Variants in TEK observed in about 807,000 individuals in gnomAD.
The protein encoded by TEK is TEK receptor tyrosine kinase.
A neutral mutation model predicts 131.8 loss-of-function variants in TEK; 43 were observed. The observed-to-expected ratio is 0.33, with a 90% CI of 0.26 to 0.42. TEK has a LOEUF of 0.42. Among genes scored for constraint, TEK ranks in the 10% least tolerant of loss-of-function variants. TEK has a pLI of 1.00. For missense variants in TEK, 1,162 were observed against 1,384.4 expected (o/e 0.84, Z 2.55); for synonymous variants, 580 against 491.6 (o/e 1.18, Z -2.38).
chr9:27,129,937 T>G (rs1822147100), intron 1 of TEK, among the ~76,000 whole-genome samples: 1 of 152,216 alleles, frequency 6.6e-6, no homozygotes, highest in African/African-American at 2.4e-5. Flanking sequence ...GTTTAAGTAT[T>G]GTTTTCTTAT....
intron 18 of TEK, among the ~76,000 whole-genome samples, chr9:27,216,408 C>T (rs150602257): frequency 6.6e-6 from 1 of 151,926 alleles, no homozygotes; most frequent in Non-Finnish European, 1.5e-5. Context: ...GCACAAGGAA[C>T]TTAACAATTA....
At chr9:27,217,819 C>G (rs1338580827) in intron 19 of TEK, 61 bp downstream of exon 19, 56 of 1,451,896 alleles carry the variant, frequency 3.9e-5, no homozygotes, top group Non-Finnish European at 4.9e-5. Context: ...ATACATTTGA[C>G]AGAGGTTTTA....
At chr9:27,161,503 T>G (rs1587535903) in intron 2 of TEK, among the ~76,000 whole-genome samples, 1 of 152,206 alleles carries the variant, frequency 6.6e-6, no homozygotes, top group East Asian at 1.9e-4. Flanking sequence ...ATAAGAATAA[T>G]AGCAGCTTGT....
intron 1 of TEK, among the ~76,000 whole-genome samples, chr9:27,125,272 G>T (rs896512230): frequency 6.6e-6 from 1 of 152,218 alleles, no homozygotes; most frequent in African/African-American, 2.4e-5. Context: ...AGTAACTCTA[G>T]AGTATGGAAG....
Position 27,218,828 on chromosome 9 carries a change from A to ATGTT in TEK, c.3103+13_3103+16dup, listed in dbSNP as rs765274964. On this transcript the variant is annotated intron_variant, in intron 20 of 22. Transcript: ENST00000380036. ...AGATTGTTAGCTTAGGTGAGTATCT[A>ATGTT]TGTTTATCTACCAGGTGAGACTCTA... The ATGTT allele has an allele frequency of 5.6e-6, 9 of 1,613,546 alleles. No individual in the cohort carries two copies. In the African/African-American group the frequency reaches 1.2e-4, roughly 22 times the overall value.
At chr9:27,186,875 T>C (rs571867673) in intron 9 of TEK, among the ~76,000 whole-genome samples, 9 of 152,320 alleles carry the variant, frequency 5.9e-5, no homozygotes, top group African/African-American at 2.2e-4. Context: ...TGCAACCCCA[T>C]AGATTTGGAT....
rs544417177 is a variant in TEK, at chr9:27,206,500, G to A, written c.2365-82G>A. 97 of 1,399,282 alleles carry A rather than the reference G, an allele frequency of 6.9e-5. No individual in the cohort carries two copies. The Middle Eastern group carries it at 1.2e-3, about 18-fold the overall frequency. 86.7% of individuals were successfully genotyped at this position (1,399,282 alleles called of 1,614,324 possible). A position where few individuals can be genotyped will look rare whatever the true frequency, so the allele number is the denominator to read the frequency against. On this transcript the variant is annotated intron_variant, in intron 14 of 22. Transcript: ENST00000380036. ...TACAGTATTTCTTTTTTCATCTGGT[G>A]TGGATGCCAACCAGAAGACATTATG...
At chr9:27,141,935 CAG>C (rs1822740141) in intron 1 of TEK, among the ~76,000 whole-genome samples, 1 of 152,132 alleles carries the variant, frequency 6.6e-6, no homozygotes, top group African/African-American at 2.4e-5. Context: ...TGCAAAGTAA[CAG>C]AACATAAATC....
intron 16 of TEK, among the ~76,000 whole-genome samples, chr9:27,209,959 C>T (rs545627924): frequency 1.2e-3 from 188 of 152,266 alleles, no homozygotes; most frequent in Middle Eastern, 3.4e-3. Context: ...CTTCACTTCT[C>T]GTGGAAAAGT....
chr9:27,190,444 TA>T, intron 9 of TEK, 84 bp from the exon 10 acceptor site: 1 of 1,547,650 alleles, frequency 6.5e-7, no homozygotes, highest in Non-Finnish European at 8.9e-7. Flanking sequence ...GTTGGACATG[TA>T]AAACATATCT....
chr9:27,186,944 TG>T (rs1824621744), intron 9 of TEK, among the ~76,000 whole-genome samples: 1 of 152,184 alleles, frequency 6.6e-6, no homozygotes, highest in Non-Finnish European at 1.5e-5. Flanking sequence ...TTATTACTTT[TG>T]GTTATAGGAA....
chr9:27,164,407 C>T (rs1331865655), intron 2 of TEK, among the ~76,000 whole-genome samples: 1 of 151,566 alleles, frequency 6.6e-6, no homozygotes, highest in Non-Finnish European at 1.5e-5. Context: ...GCAAGCTCCG[C>T]CTCCTGGGTT....
Position 27,109,292 on chromosome 9 carries a change from T to C in TEK, c.-299T>C, listed in dbSNP as rs902814622. 63 of 542,072 alleles carry C rather than the reference T, an allele frequency of 1.2e-4. No individual in the cohort carries two copies. The highest frequency in any genetic ancestry group is 9.4e-4 in the African/African-American group (49 of 52,090). 33.6% of individuals were successfully genotyped at this position (542,072 alleles called of 1,614,324 possible). On this transcript the variant is annotated 5_prime_UTR_variant, in exon 1 of 23. Coordinates refer to ENST00000380036, the MANE Select transcript of TEK (RefSeq NM_000459.5). ...AGCAACAGATAAGTGTTTTGATGAA[T>C]TGCGAGATGGATAGGGCTTGAGTGC...
chr9:27,123,384 G>T (rs1208063854), intron 1 of TEK, among the ~76,000 whole-genome samples: 1 of 152,174 alleles, frequency 6.6e-6, no homozygotes, highest in South Asian at 2.1e-4. Flanking sequence ...TAAGGAAAGA[G>T]CTCTGCCATC....
chr9:27,223,948 A>C (rs1826194346), intron 21 of TEK, among the ~76,000 whole-genome samples: 1 of 152,236 alleles, frequency 6.6e-6, no homozygotes, highest in Admixed American at 6.5e-5. Flanking sequence ...GATCCCACAG[A>C]AATACAAACT....
At chr9:27,194,193 G>T (rs1280100274) in intron 11 of TEK, among the ~76,000 whole-genome samples, 1 of 152,108 alleles carries the variant, frequency 6.6e-6, no homozygotes, top group Non-Finnish European at 1.5e-5. Context: ...TCACATATTT[G>T]CCTGTGTTTT....
chr9:27,218,635 T>C lies in TEK; in HGVS notation c.3063-142T>C, dbSNP rs1042925761. ...GAGCTAAGAGGAGAGAAACCTACACTGTGTGCAAGGGCCTATCCTAGGATG... is the reference window on the plus strand; with the variant it reads ...GAGCTAAGAGGAGAGAAACCTACACCGTGTGCAAGGGCCTATCCTAGGATG... On this transcript the variant is annotated intron_variant, in intron 19 of 22. Coordinates refer to ENST00000380036, the MANE Select transcript of TEK (RefSeq NM_000459.5). 9.9e-6 allele frequency: 8 copies of C among 806,406 alleles called. No individual in the cohort carries two copies. The African/African-American group carries it at 1.2e-4, about 12-fold the overall frequency. The allele number at this position is 806,406 out of a possible 1,614,324, so 50.0% of individuals were successfully genotyped here. A position where few individuals can be genotyped will look rare whatever the true frequency, so the allele number is the denominator to read the frequency against.
At chr9:27,130,508 A>G (rs1564045749) in intron 1 of TEK, among the ~76,000 whole-genome samples, 1 of 152,172 alleles carries the variant, frequency 6.6e-6, no homozygotes, top group Non-Finnish European at 1.5e-5. Flanking sequence ...CCACAAAACT[A>G]AAAATCAGCA....
In TEK at chr9:27,168,604, T is replaced by C; in HGVS notation, c.474T>C (p.Asn158=). 1.3e-6 allele frequency: 2 copies of C among 1,592,806 alleles called. No homozygotes were observed. Among genetic ancestry groups the C allele is most frequent in the East Asian group, 4.5e-5 (2 of 44,706 alleles). ...IKEEDAVIYK[N]GSFIHSVPRH... is the part of the protein sequence containing the mutation. ...AAGAAGATGCAGTGATTTACAAAAA[T>C]GGTGAGTATGTGTTTCATTGCTTTC... The change falls in exon 3 of 23, where the codon AAT becomes AAC. Residue 158 remains asparagine (N), a splice_region_variant and synonymous_variant. Transcript: ENST00000380036.
Sources: gnomAD v4.1 joint callset for allele counts (sites outside exome capture counted in the v4.1 genomes callset) on GRCh38, gnomAD v4.1.1 for gene constraint, MANE v1.5 for transcripts, NCBI Gene and HGNC (gene_info 2026-07-23, HGNC 2026-07-21) for gene names.